The following PIAS1 variants were observed in gnomAD, a reference collection of about 807,000 sequenced individuals.
PIAS1 encodes the protein protein inhibitor of activated STAT 1, also known as E3 SUMO-protein ligase PIAS1.
A neutral mutation model predicts 71.3 loss-of-function variants in PIAS1; 6 were observed. The observed-to-expected ratio is 0.08, with a 90% CI of 0.05 to 0.17. PIAS1 has a LOEUF of 0.17. PIAS1 is among the 10% of genes least tolerant of loss of function. PIAS1 has a pLI of 1.00. For missense variants in PIAS1, 555 were observed against 793.6 expected, an observed-to-expected ratio of 0.70 and a Z score of 3.61; for synonymous variants, 303 against 292.9, an observed-to-expected ratio of 1.03 and a Z score of -0.35.
In PIAS1 at chr15:68,185,412, A is replaced by G. The variant is rs1294267544; in HGVS notation, c.1662+1745A>G. ...TGCTAAGGATGAAGAGGTTGCAGAA[A>G]TGGACAAGGCTGTGGTTGACATGGC... On this transcript the variant is annotated intron_variant, in intron 13 of 13. Coordinates refer to ENST00000249636, the MANE Select transcript of PIAS1 (RefSeq NM_016166.3). The surrounding 1 kb of genome is among the most constrained non-coding windows in gnomAD (Gnocchi z 4.4). Among the ~76,000 whole-genome samples, 1 of 152,224 alleles carries G rather than the reference A, an allele frequency of 6.6e-6. No individual in the cohort carries two copies. Among genetic ancestry groups the G allele is most frequent in the Non-Finnish European group, 1.5e-5 (1 of 68,036 alleles).
intron 6 of PIAS1, among the ~76,000 whole-genome samples, chr15:68,151,009 C>T (rs2092840008): frequency 6.6e-6 from 1 of 151,732 alleles, no homozygotes; most frequent in African/African-American, 2.4e-5. Context: ...ATGAACTTGA[C>T]AAATAATTTT....
intron 1 of PIAS1, among the ~76,000 whole-genome samples, chr15:68,062,944 G>A (rs976621939): frequency 2.0e-5 from 3 of 152,104 alleles, no homozygotes; most frequent in African/African-American, 7.2e-5. Flanking sequence ...TATGTTTATA[G>A]AGATTTACCT....
At chr15:68,154,951 A>C (rs2092876743) in intron 7 of PIAS1, among the ~76,000 whole-genome samples, 1 of 152,248 alleles carries the variant, frequency 6.6e-6, no homozygotes, top group South Asian at 2.1e-4. Context: ...CATTCTACTG[A>C]GAATCTTCGT....
rs1397219633 is a variant in PIAS1 at position 68,186,334 on chromosome 15, A to C, written c.1663-1208A>C. On this transcript the variant is annotated intron_variant, in intron 13 of 13. Transcript: ENST00000249636. This position sits in a 1 kb window ranked among gnomAD's most constrained non-coding sequence, Gnocchi z 4.4. Reference sequence around the variant, plus strand: ...GTGTCATTTTTAACAAAAAAGTTAAAAAGTAAAAAATATTTTAAAATGTTA... The same window carrying C: ...GTGTCATTTTTAACAAAAAAGTTAACAAGTAAAAAATATTTTAAAATGTTA... Among the ~76,000 whole-genome samples, 1 of 152,258 alleles carries C rather than the reference A, an allele frequency of 6.6e-6. No homozygotes were observed.
chr15:68,156,121 A>T lies in PIAS1; in HGVS notation c.934+2426A>T, dbSNP rs189097791. On this transcript the variant is annotated intron_variant, in intron 7 of 13. Coordinates refer to ENST00000249636, the MANE Select transcript of PIAS1 (RefSeq NM_016166.3). ...TAAGAGTCTACTGTGTTCCAGGAAC[A>T]GGAGAATATAACATTAAACAAGACA... 1.6e-4 allele frequency among the ~76,000 whole-genome samples: 25 copies of T among 152,350 alleles called. No homozygotes were observed. The East Asian group carries it at 3.3e-3, about 20-fold the overall frequency.
rs918157523 is a variant in PIAS1 at position 68,187,955 on chromosome 15, T to C, written c.*120T>C. ...GAAAAGTATACAAGCGTGTTTTTTT[T>C]CCTTTTTTTAGGGAAAAAATTAAAA... is the stretch of plus-strand genomic sequence containing the variant. On this transcript the variant is annotated 3_prime_UTR_variant, in exon 14 of 14. Coordinates refer to ENST00000249636, the MANE Select transcript of PIAS1 (RefSeq NM_016166.3). The surrounding 1 kb of genome is among the most constrained non-coding windows in gnomAD (Gnocchi z 5.3). 3.5e-5 allele frequency: 33 copies of C among 933,210 alleles called. No homozygotes were observed. In the South Asian group the frequency reaches 4.4e-4, roughly 12 times the overall value. 57.8% of individuals were successfully genotyped at this position (933,210 alleles called of 1,614,324 possible).
chr15:68,116,164 G>A (rs144150429), intron 2 of PIAS1, among the ~76,000 whole-genome samples: 2 of 151,526 alleles, frequency 1.3e-5, no homozygotes, highest in Non-Finnish European at 2.9e-5. Context: ...AAACATTTAT[G>A]TAGGGTTGGT....
At chr15:68,119,030 A>G (rs1160063207) in intron 2 of PIAS1, among the ~76,000 whole-genome samples, 3 of 151,938 alleles carry the variant, frequency 2.0e-5, no homozygotes, top group African/African-American at 7.2e-5. Flanking sequence ...TATATTTGCA[A>G]CCTATACATC....
rs2093030804 is a variant in PIAS1 at position 68,178,024 on chromosome 15, T to C, written c.1481+1370T>C. ...AGGCATTTCTGTGCCTGGAGTCAAA[T>C]CATTTTCAGGTTTGACATTGTATGA... is the stretch of plus-strand genomic sequence containing the variant. On this transcript the variant is annotated intron_variant, in intron 11 of 13. Transcript: ENST00000249636. The surrounding 1 kb of genome is among the most constrained non-coding windows in gnomAD (Gnocchi z 4.2). Among the ~76,000 whole-genome samples, 1 of 152,194 alleles carries C rather than the reference T, an allele frequency of 6.6e-6. No homozygotes were observed. Among genetic ancestry groups the C allele is most frequent in the African/African-American group, 2.4e-5 (1 of 41,454 alleles).
At chr15:68,084,970 G>T (rs939771924) in intron 1 of PIAS1, among the ~76,000 whole-genome samples, 4 of 152,086 alleles carry the variant, frequency 2.6e-5, no homozygotes, top group Non-Finnish European at 5.9e-5. Flanking sequence ...GTAAAGGAAG[G>T]ACTCATATTT....
intron 1 of PIAS1, among the ~76,000 whole-genome samples, chr15:68,062,418 T>C (rs2091969848): frequency 6.6e-6 from 1 of 152,172 alleles, no homozygotes; most frequent in Non-Finnish European, 1.5e-5. Flanking sequence ...CACAGTCAGG[T>C]AGTTTTTGGT....
rs2093012456 is a variant in PIAS1, at chr15:68,174,922, A to T, written c.1170-715A>T. Among the ~76,000 whole-genome samples the T allele has an allele frequency of 1.3e-5, 2 of 152,218 alleles. No homozygotes were observed. The highest frequency in any genetic ancestry group is 3.8e-4 in the East Asian group (2 of 5,198). On this transcript the variant is annotated intron_variant, in intron 9 of 13. Coordinates refer to ENST00000249636, the MANE Select transcript of PIAS1 (RefSeq NM_016166.3). This position sits in a 1 kb window ranked among gnomAD's most constrained non-coding sequence, Gnocchi z 4.0. ...ATCACTTACTAGTAAATCAGAATTA[A>T]ATAGTGATATTTTCCAACTTTATAT...
intron 1 of PIAS1, among the ~76,000 whole-genome samples, chr15:68,072,195 G>T (rs1411253238): frequency 6.6e-6 from 1 of 151,432 alleles, no homozygotes; most frequent in Non-Finnish European, 1.5e-5. Flanking sequence ...TCAGGAGATC[G>T]AGACCATCCT....
intron 2 of PIAS1, among the ~76,000 whole-genome samples, chr15:68,124,156 T>A (rs1409280070): frequency 6.6e-6 from 1 of 152,196 alleles, no homozygotes; most frequent in Non-Finnish European, 1.5e-5. Flanking sequence ...GGGAGGTTAT[T>A]TTTATTTTGA....
intron 4 of PIAS1, among the ~76,000 whole-genome samples, chr15:68,142,628 C>A: frequency 6.7e-6 from 1 of 149,274 alleles, no homozygotes; most frequent in Non-Finnish European, 1.5e-5. Flanking sequence ...TTCCCCTGCC[C>A]GCCCACCCCC....
chr15:68,058,750 C>T (rs1327634960), intron 1 of PIAS1, among the ~76,000 whole-genome samples: 1 of 152,030 alleles, frequency 6.6e-6, no homozygotes, highest in Non-Finnish European at 1.5e-5. Flanking sequence ...GAGAAGTAAG[C>T]AGAAAAATAA....
At chr15:68,168,589 G>C (rs1207112956) in intron 8 of PIAS1, among the ~76,000 whole-genome samples, 1 of 152,134 alleles carries the variant, frequency 6.6e-6, no homozygotes, top group Non-Finnish European at 1.5e-5. Context: ...ACAAGATGAA[G>C]ACGTTCAAAG....
intron 2 of PIAS1, among the ~76,000 whole-genome samples, chr15:68,100,663 A>G: frequency 6.6e-6 from 1 of 152,210 alleles, no homozygotes; most frequent in Non-Finnish European, 1.5e-5. Context: ...TATCTCTGGT[A>G]AATGCCCAAG....
rs536659129 is a variant in PIAS1 at position 68,188,607 on chromosome 15, T to C, written c.*772T>C. 3 of 152,354 alleles carry C rather than the reference T, an allele frequency of 2.0e-5. No individual in the cohort carries two copies. The highest frequency in any genetic ancestry group is 2.1e-4 in the South Asian group (1 of 4,826). The allele number at this position is 152,354 out of a possible 1,614,324, so 9.4% of individuals were successfully genotyped here. On this transcript the variant is annotated 3_prime_UTR_variant, in exon 14 of 14. Coordinates refer to ENST00000249636, the MANE Select transcript of PIAS1 (RefSeq NM_016166.3). ...ATGTTCTCCATCACATATTCTCTTA[T>C]TTGCTCTGTACCCCCTGAGAATATG... is the stretch of plus-strand genomic sequence containing the variant.
Sources: allele counts gnomAD v4.1 joint callset (sites outside exome capture counted in the v4.1 genomes callset), GRCh38; gene constraint gnomAD v4.1.1; non-coding constraint Gnocchi (gnomAD v3.1); transcripts MANE v1.5; gene names NCBI Gene and HGNC (gene_info 2026-07-23, HGNC 2026-07-21).